The following ACER3 variants were observed in gnomAD, a reference collection of about 807,000 sequenced individuals.
The protein encoded by ACER3 is alkaline ceramidase 3.
Under a neutral mutation model 48.9 loss-of-function variants are expected in ACER3, and 16 were observed. The observed-to-expected ratio is 0.33, with a 90% CI of 0.22 to 0.50. ACER3 has a LOEUF of 0.50. Ranked by LOEUF, ACER3 falls within the 20% of genes least tolerant of loss-of-function variation. The pLI, the probability that ACER3 is intolerant of heterozygous loss-of-function variation, is 0.98. For missense variants in ACER3, 227 were observed against 326.0 expected (o/e 0.70, Z 2.34); for synonymous variants, 109 against 107.8 (o/e 1.01, Z -0.07).
At chr11:76,916,677 G>A (rs1041902876) in intron 1 of ACER3, among the ~76,000 whole-genome samples, 1 of 152,188 alleles carries the variant, frequency 6.6e-6, no homozygotes, top group African/African-American at 2.4e-5. Flanking sequence ...ACCATTTTCA[G>A]ATTATGTCAT....
intron 8 of ACER3, 183 bp downstream of exon 8, chr11:77,015,300 T>C: frequency 2.1e-6 from 1 of 482,372 alleles, no homozygotes; most frequent in Non-Finnish European, 3.6e-6. Context: ...ACCTAAAATT[T>C]TGGACCTGAG....
chr11:76,981,468 C>T (rs1258573641), intron 4 of ACER3, among the ~76,000 whole-genome samples: 1 of 152,118 alleles, frequency 6.6e-6, no homozygotes, highest in Admixed American at 6.5e-5. Flanking sequence ...TACCCATTAC[C>T]CTTATGGCAA....
chr11:77,011,931 T>C (rs190474046), intron 7 of ACER3, among the ~76,000 whole-genome samples: 7 of 152,302 alleles, frequency 4.6e-5, no homozygotes, highest in Admixed American at 3.9e-4. Flanking sequence ...GGGAACTTTC[T>C]TAACCTATCA....
chr11:76,993,131 G>T (rs1289176101), intron 6 of ACER3, among the ~76,000 whole-genome samples: 4 of 152,110 alleles, frequency 2.6e-5, no homozygotes, highest in Non-Finnish European at 1.5e-5. Context: ...CCCTGCCTTG[G>T]TGAAGCTCAG....
chr11:76,990,469 T>C, intron 5 of ACER3, 70 bp from the exon 6 acceptor site: 1 of 1,083,152 alleles, frequency 9.2e-7, no homozygotes, highest in Non-Finnish European at 1.4e-6. Context: ...ATTTGCAGAG[T>C]AATTGGAGTC....
chr11:76,986,195 A>T (rs1479943678), intron 5 of ACER3, among the ~76,000 whole-genome samples: 2 of 152,222 alleles, frequency 1.3e-5, no homozygotes, highest in African/African-American at 4.8e-5. Context: ...TGCAGAAAAC[A>T]TTTATTGAAA....
rs1016843099 is a variant in ACER3 at position 77,022,256 on chromosome 11, G to A, written c.*1929G>A. 6.6e-6 allele frequency: 1 copy of A among 152,132 alleles called. No individual in the cohort carries two copies. Among genetic ancestry groups the A allele is most frequent in the Non-Finnish European group, 1.5e-5 (1 of 68,032 alleles). The allele number at this position is 152,132 out of a possible 1,614,324, so 9.4% of individuals were successfully genotyped here. ...TCTGCAGGATTAAAGTCAGATTAAG[G>A]GTACAGAAAGCACACCTTGATACTG... On this transcript the variant is annotated 3_prime_UTR_variant, in exon 11 of 11. Coordinates refer to ENST00000532485, the MANE Select transcript of ACER3 (RefSeq NM_018367.7).
At chr11:76,898,723 T>C (rs953785492) in intron 1 of ACER3, among the ~76,000 whole-genome samples, 2 of 147,036 alleles carry the variant, frequency 1.4e-5, no homozygotes, top group Non-Finnish European at 3.0e-5. Flanking sequence ...GCTAAAACGG[T>C]GAAACCCCGT....
chr11:77,020,467 C>T lies in ACER3; in HGVS notation c.*140C>T, dbSNP rs1949454746. On this transcript the variant is annotated 3_prime_UTR_variant, in exon 11 of 11. Coordinates refer to ENST00000532485, the MANE Select transcript of ACER3 (RefSeq NM_018367.7). The stretch of plus-strand genomic sequence containing the variant: ...GTGACTTTCTGACTAATGCTGCCAC[C>T]CACACAGAGAATAAGGAGTAGGGCC... 2.2e-6 allele frequency: 2 copies of T among 904,714 alleles called. No individual in the cohort carries two copies. The highest frequency in any genetic ancestry group is 5.4e-5 in the East Asian group (2 of 36,910). The allele number at this position is 904,714 out of a possible 1,614,324, so 56.0% of individuals were successfully genotyped here.
At chr11:77,010,647 C>T (rs927998579) in intron 7 of ACER3, among the ~76,000 whole-genome samples, 1 of 152,118 alleles carries the variant, frequency 6.6e-6, no homozygotes, top group Non-Finnish European at 1.5e-5. Context: ...ACTGGATACC[C>T]AGCACAATGG....
At chr11:76,935,114 T>C (rs974860878) in intron 2 of ACER3, among the ~76,000 whole-genome samples, 1 of 152,054 alleles carries the variant, frequency 6.6e-6, no homozygotes, top group Non-Finnish European at 1.5e-5. Flanking sequence ...TAAATTACAG[T>C]GTGCTTGAGG....
intron 6 of ACER3, among the ~76,000 whole-genome samples, chr11:76,993,373 T>C (rs1296311830): frequency 6.6e-6 from 1 of 152,222 alleles, no homozygotes; most frequent in East Asian, 1.9e-4. Context: ...TCAATAAATG[T>C]TAACTAACAT....
At chr11:76,975,914 C>G (rs1296547048) in intron 3 of ACER3, among the ~76,000 whole-genome samples, 1 of 109,178 alleles carries the variant, frequency 9.2e-6, no homozygotes, top group Non-Finnish European at 1.7e-5. Flanking sequence ...GGGTCTTGCT[C>G]TGTTGCCCAG....
chr11:77,022,715 G>T lies in ACER3; in HGVS notation c.*2388G>T, dbSNP rs1251793442. 2 of 161,850 alleles carry T rather than the reference G, an allele frequency of 1.2e-5. No homozygotes were observed. Among genetic ancestry groups the T allele is most frequent in the African/African-American group, 4.8e-5 (2 of 41,824 alleles). The allele number at this position is 161,850 out of a possible 1,614,324, so 10.0% of individuals were successfully genotyped here. ...TTATTGGAAAACTTCATGTTAACTA[G>T]AGTGTACAAAAAGTCTGTTTCCTGC... On this transcript the variant is annotated 3_prime_UTR_variant, in exon 11 of 11. Coordinates refer to ENST00000532485, the MANE Select transcript of ACER3 (RefSeq NM_018367.7).
At chr11:76,979,234 C>T (rs1250947489) in intron 4 of ACER3, among the ~76,000 whole-genome samples, 1 of 152,232 alleles carries the variant, frequency 6.6e-6, no homozygotes, top group Admixed American at 6.5e-5. Flanking sequence ...ACTTCTACTT[C>T]CTAATACCTC....
chr11:76,891,701 T>C (rs1163906191), intron 1 of ACER3, among the ~76,000 whole-genome samples: 12 of 152,170 alleles, frequency 7.9e-5, no homozygotes, highest in Admixed American at 7.9e-4. Flanking sequence ...TCCAATTAGA[T>C]AGCTTCAGAA....
chr11:76,908,220 A>G (rs1283819793), intron 1 of ACER3, among the ~76,000 whole-genome samples: 1 of 152,254 alleles, frequency 6.6e-6, no homozygotes, highest in African/African-American at 2.4e-5. Context: ...TGGGCGACAG[A>G]GCAAGACTCC....
intron 1 of ACER3, among the ~76,000 whole-genome samples, chr11:76,919,950 C>A (rs187193921): frequency 8.5e-5 from 13 of 152,268 alleles, no homozygotes; most frequent in South Asian, 2.1e-4. Flanking sequence ...GCTCTGAGTT[C>A]AACATTCATT....
chr11:76,972,841 G>T (rs563830860), intron 3 of ACER3, among the ~76,000 whole-genome samples: 1 of 152,208 alleles, frequency 6.6e-6, no homozygotes, highest in Non-Finnish European at 1.5e-5. Flanking sequence ...TATTGTTGCT[G>T]CTCCCTGCTG....
Sources: allele counts gnomAD v4.1 joint callset (sites outside exome capture counted in the v4.1 genomes callset), GRCh38; gene constraint gnomAD v4.1.1; transcripts MANE v1.5; gene names NCBI Gene and HGNC (gene_info 2026-07-23, HGNC 2026-07-21).